The following USP32 variants were observed in gnomAD, a reference collection of about 807,000 sequenced individuals.
USP32 encodes the protein ubiquitin carboxyl-terminal hydrolase 32.
Under a neutral mutation model 204.8 loss-of-function variants are expected in USP32, and 59 were observed. The observed-to-expected ratio is 0.29, with a 90% CI of 0.23 to 0.36. The LOEUF is 0.36. USP32 is among the 10% of genes least tolerant of loss of function. The pLI, the probability that USP32 is intolerant of heterozygous loss-of-function variation, is 1.00. For synonymous variants in USP32, 517 were observed against 678.4 expected (o/e 0.76, Z 3.70); for missense variants, 1,160 against 1,946.4 (o/e 0.60, Z 7.60).
intron 1 of USP32, among the ~76,000 whole-genome samples, chr17:60,402,802 C>G (rs1406987697): frequency 6.6e-6 from 1 of 152,174 alleles, no homozygotes; most frequent in Non-Finnish European, 1.5e-5. Flanking sequence ...CTGCAGTGGC[C>G]TGAAAGCTAG....
intron 1 of USP32, among the ~76,000 whole-genome samples, chr17:60,347,626 TAC>T (rs954029473): frequency 1.3e-5 from 2 of 151,100 alleles, no homozygotes; most frequent in Non-Finnish European, 2.9e-5. Flanking sequence ...GTGCTGGGAT[TAC>T]AGGCGTGAGC....
intron 2 of USP32, among the ~76,000 whole-genome samples, chr17:60,310,665 C>T (rs2087832649): frequency 6.6e-6 from 1 of 152,026 alleles, no homozygotes; most frequent in South Asian, 2.1e-4. Context: ...ACCCACTGCA[C>T]TCCAGCCTGG....
intron 2 of USP32, among the ~76,000 whole-genome samples, chr17:60,338,414 G>T (rs2088577078): frequency 6.6e-6 from 1 of 152,062 alleles, no homozygotes; most frequent in East Asian, 1.9e-4. Context: ...GCACCCTAAA[G>T]AAAATAAAAA....
At chr17:60,249,856 T>TCCTGAATCA in intron 11 of USP32, 1 of 644,366 alleles carries the variant, frequency 1.6e-6, no homozygotes, top group Non-Finnish European at 2.8e-6. Context: ...CGATACTTTT[T>TCCTGAATCA]TTTTTTAACA....
chr17:60,213,852 T>G (rs1183416294), intron 17 of USP32, among the ~76,000 whole-genome samples, 190 bp from the exon 18 acceptor site: 3 of 152,228 alleles, frequency 2.0e-5, no homozygotes, highest in African/African-American at 7.2e-5. Flanking sequence ...AGACAATGTG[T>G]ACTTCATAAG....
chr17:60,232,025 C>T (rs1351859333), intron 12 of USP32, among the ~76,000 whole-genome samples: 1 of 152,094 alleles, frequency 6.6e-6, no homozygotes, highest in Non-Finnish European at 1.5e-5. Context: ...GTATTTGAAA[C>T]ATACTACCCT....
intron 1 of USP32, among the ~76,000 whole-genome samples, chr17:60,369,812 A>G (rs1191091873): frequency 2.6e-5 from 4 of 152,048 alleles, no homozygotes; most frequent in Admixed American, 6.6e-5. Flanking sequence ...ATCATAACTC[A>G]CTGCAGACTT....
chr17:60,231,414 G>C (rs749462973), intron 12 of USP32: 14 of 365,086 alleles, frequency 3.8e-5, no homozygotes, highest in African/African-American at 6.2e-5. Flanking sequence ...ATAATTGTCT[G>C]ATACAGCTTT....
chr17:60,349,609 ATATATATATATATAT>A lies in USP32; in HGVS notation c.59-4016_59-4002del, dbSNP rs1402679856. ...AAAAAAAAAAAAAATATATATATAT[ATATATATATATATAT>A]TATATATATATATATATATTATATA... On this transcript the variant is annotated intron_variant, in intron 1 of 33. Transcript: ENST00000300896. 9.4e-3 allele frequency among the ~76,000 whole-genome samples: 659 copies of A among 70,168 alleles called. 4 individuals are homozygous for A. Among genetic ancestry groups the A allele is most frequent in the African/African-American group, 0.04 (342 of 8,572 alleles). The allele number at this position is 70,168 out of a possible 152,430, so 46.0% of individuals were successfully genotyped here.
At chr17:60,287,248 G>C (rs1486488519) in intron 5 of USP32, among the ~76,000 whole-genome samples, 1 of 152,190 alleles carries the variant, frequency 6.6e-6, no homozygotes, top group African/African-American at 2.4e-5. Flanking sequence ...ATTTTTAAAA[G>C]ATGGTTCTCT....
At chr17:60,275,757 A>T (rs929152318) in intron 5 of USP32, among the ~76,000 whole-genome samples, 1 of 152,010 alleles carries the variant, frequency 6.6e-6, no homozygotes, top group African/African-American at 2.4e-5. Context: ...TGTTGCCCAG[A>T]CTGGAGTGCA....
chr17:60,201,651 T>A (rs1160183862), intron 26 of USP32, among the ~76,000 whole-genome samples: 2 of 151,772 alleles, frequency 1.3e-5, no homozygotes, highest in Admixed American at 1.3e-4. Flanking sequence ...ATTACTAGTG[T>A]CGTTGATCAT....
intron 11 of USP32, among the ~76,000 whole-genome samples, chr17:60,242,204 A>C (rs943572328): frequency 6.6e-6 from 1 of 152,172 alleles, no homozygotes; most frequent in Admixed American, 6.5e-5. Flanking sequence ...CTCACACTAA[A>C]GCCGTGAACT....
At chr17:60,317,074 A>G (rs2087998647) in intron 2 of USP32, among the ~76,000 whole-genome samples, 1 of 152,182 alleles carries the variant, frequency 6.6e-6, no homozygotes, top group African/African-American at 2.4e-5. Context: ...CAGGTACAGT[A>G]TTTCTGTTTG....
intron 10 of USP32, 135 bp from the exon 11 acceptor site, chr17:60,252,577 G>A: frequency 1.6e-6 from 1 of 608,284 alleles, no homozygotes; most frequent in Non-Finnish European, 2.7e-6. Flanking sequence ...ATTCACTTGA[G>A]CAAATTTTAA....
At chr17:60,223,868 T>C (rs2085317997) in intron 13 of USP32, among the ~76,000 whole-genome samples, 1 of 152,214 alleles carries the variant, frequency 6.6e-6, no homozygotes, top group African/African-American at 2.4e-5. Context: ...GTCCTCCGAC[T>C]GGAAGGGAAG....
chr17:60,234,260 C>T (rs976317175), intron 12 of USP32, among the ~76,000 whole-genome samples: 1 of 151,516 alleles, frequency 6.6e-6, no homozygotes, highest in Non-Finnish European at 1.5e-5. Context: ...ACCATAGGCG[C>T]CTGCCACCAT....
At position 60,226,137 on chromosome 17, in the gene USP32, T is replaced by A; in HGVS notation, c.1334A>T (p.Asp445Val). ...TAAHPMEQVE[D>V]RIGSSLSYVN... ...GTAACTGAGGCTGCTTCCAATTCTA[T>A]CTTCGACCTGCTCCATAGGATGGGC... is the stretch of plus-strand genomic sequence containing the variant. The change falls in exon 13 of 34, where the codon GAT becomes GTT. Residue 445 changes from aspartate (D) to valine (V), a missense_variant. Around this residue, in one of 8 missense-constraint regions of USP32, gnomAD observed 536 missense variants for 680.9 expected, o/e 0.79. Transcript: ENST00000300896. The A allele has an allele frequency of 1.9e-6, 3 of 1,608,012 alleles. No homozygotes were observed. Among genetic ancestry groups the A allele is most frequent in the Non-Finnish European group, 2.5e-6 (3 of 1,177,944 alleles).
chr17:60,403,581 G>A (rs1306490035), intron 1 of USP32, among the ~76,000 whole-genome samples: 1 of 152,172 alleles, frequency 6.6e-6, no homozygotes, highest in Non-Finnish European at 1.5e-5. Flanking sequence ...CTCCTCAGGT[G>A]TGGTTCCTCA....
Sources: allele counts gnomAD v4.1 joint callset (sites outside exome capture counted in the v4.1 genomes callset), GRCh38; gene constraint gnomAD v4.1.1; regional missense constraint gnomAD v4.1.1; transcripts MANE v1.5; gene names NCBI Gene and HGNC (gene_info 2026-07-23, HGNC 2026-07-21).